SIN3A: variants seen among roughly 807,000 people sequenced by gnomAD.
The protein encoded by SIN3A is SIN3 transcription regulator family member A.
A neutral mutation model predicts 146.1 loss-of-function variants in SIN3A; 14 were observed. That is an observed-to-expected ratio of 0.10 (90% CI 0.06 to 0.15). The LOEUF (loss-of-function observed/expected upper bound fraction) is 0.15, where lower values mean the gene tolerates loss of function less well. Among genes scored for constraint, SIN3A ranks in the 10% least tolerant of loss-of-function variants. The pLI is 1.00. For synonymous variants in SIN3A, 572 were observed against 572.0 expected (o/e 1.00, Z 0.00); for missense variants, 1,028 against 1,576.0 (o/e 0.65, Z 5.89).
At chr15:75,393,887 A>T (rs2073254916) in intron 14 of SIN3A, among the ~76,000 whole-genome samples, 1 of 152,122 alleles carries the variant, frequency 6.6e-6, no homozygotes, top group Non-Finnish European at 1.5e-5. Flanking sequence ...AGCTCACTGC[A>T]TCCTCCACCT....
chr15:75,371,646 G>A lies in SIN3A; in HGVS notation c.*333C>T. The A allele has an allele frequency of 3.7e-6, 1 of 267,298 alleles. No individual in the cohort carries two copies. The highest frequency in any genetic ancestry group is 7.1e-6 in the Non-Finnish European group (1 of 141,764). 16.6% of individuals were successfully genotyped at this position (267,298 alleles called of 1,614,324 possible). ...ACAGCATCCGGTTCCCTCATTGAAA[G>A]TTAGGCCACAGGAGACTCCAGTCTT... On this transcript the variant is annotated 3_prime_UTR_variant, in exon 21 of 21. Coordinates refer to ENST00000394947, the MANE Select transcript of SIN3A (RefSeq NM_001145358.2).
At chr15:75,389,608 AG>A in intron 16 of SIN3A, 43 bp downstream of exon 16, 1 of 1,598,004 alleles carries the variant, frequency 6.3e-7, no homozygotes, top group South Asian at 1.1e-5. Flanking sequence ...TCTCTAGGTA[AG>A]GATTTCTTCC....
chr15:75,392,283 T>C lies in SIN3A; in HGVS notation c.2810A>G (p.Lys937Arg). 3 of 1,614,212 alleles carry C rather than the reference T, an allele frequency of 1.9e-6. No individual in the cohort carries two copies. Among genetic ancestry groups the C allele is most frequent in the Non-Finnish European group, 1.7e-6 (2 of 1,180,022 alleles). Reference sequence around the variant, plus strand: ...TAGCTGAATGGCAGGGCTGTCACTCTTGTCTCGCTTTATGCCCAGCACTTC... The same window carrying C: ...TAGCTGAATGGCAGGGCTGTCACTCCTGTCTCGCTTTATGCCCAGCACTTC... ...EREVLGIKRD[K>R]SDSPAIQLRL... The change falls in exon 15 of 21, where the codon AAG (lysine) becomes AGG (arginine). Residue 937 changes from lysine (K) to arginine (R), a missense_variant. This residue lies in a region of SIN3A where 488 missense variants were observed against 690.2 expected (regional missense o/e 0.71). Coordinates refer to ENST00000394947, the MANE Select transcript of SIN3A (RefSeq NM_001145358.2).
intron 1 of SIN3A, among the ~76,000 whole-genome samples, chr15:75,438,742 A>G (rs958528331): frequency 6.6e-6 from 1 of 152,162 alleles, no homozygotes; most frequent in Non-Finnish European, 1.5e-5. Context: ...CTCTTAGAAC[A>G]AAAAATAAAA....
At chr15:75,451,060 C>T (rs1214741342) in intron 1 of SIN3A, among the ~76,000 whole-genome samples, 2 of 151,154 alleles carry the variant, frequency 1.3e-5, no homozygotes, top group African/African-American at 2.4e-5. Context: ...GCGCGGCCGC[C>T]AGCCCGAGGC....
chr15:75,387,177 TGA>T (rs1041302933), intron 16 of SIN3A, among the ~76,000 whole-genome samples: 3 of 152,158 alleles, frequency 2.0e-5, no homozygotes, highest in East Asian at 1.9e-4. Flanking sequence ...ATGAGGAGAA[TGA>T]GAGAAGAGAT....
intron 10 of SIN3A, among the ~76,000 whole-genome samples, chr15:75,401,350 A>T (rs976715285): frequency 2.6e-5 from 4 of 152,128 alleles, no homozygotes; most frequent in Non-Finnish European, 5.9e-5. Flanking sequence ...CAACATGGTA[A>T]AACACCGTCT....
chr15:75,414,909 G>A (rs1050690710), intron 3 of SIN3A, among the ~76,000 whole-genome samples: 4 of 152,144 alleles, frequency 2.6e-5, no homozygotes, highest in Non-Finnish European at 5.9e-5. Flanking sequence ...GATACGATAT[G>A]GGATATTTAG....
intron 9 of SIN3A, among the ~76,000 whole-genome samples, chr15:75,405,292 G>C (rs988799861): frequency 6.6e-6 from 1 of 151,420 alleles, no homozygotes; most frequent in African/African-American, 2.4e-5. Flanking sequence ...CTTGAACCCA[G>C]GAGATGGAGG....
chr15:75,435,781 C>A (rs1595924141), intron 1 of SIN3A, among the ~76,000 whole-genome samples: 1 of 150,660 alleles, frequency 6.6e-6, no homozygotes, highest in African/African-American at 2.4e-5. Context: ...TATACACATA[C>A]AAAATGTACT....
At chr15:75,442,462 T>C (rs1348188569) in intron 1 of SIN3A, among the ~76,000 whole-genome samples, 1 of 151,358 alleles carries the variant, frequency 6.6e-6, no homozygotes. Flanking sequence ...CATATGCCAC[T>C]GCACCCAGCC....
At position 75,392,282 on chromosome 15, in the gene SIN3A, C is replaced by T; in HGVS notation, c.2811G>A (p.Lys937=). The change falls in exon 15 of 21, where the codon AAG becomes AAA. Residue 937 remains lysine, a synonymous_variant. Transcript: ENST00000394947. ...GTAGCTGAATGGCAGGGCTGTCACT[C>T]TTGTCTCGCTTTATGCCCAGCACTT... ...EREVLGIKRD[K]SDSPAIQLRL... 1.2e-6 allele frequency: 2 copies of T among 1,614,180 alleles called. No individual in the cohort carries two copies. Among genetic ancestry groups the T allele is most frequent in the Non-Finnish European group, 1.7e-6 (2 of 1,180,012 alleles).
chr15:75,433,437 AT>A (rs1363391694), intron 1 of SIN3A, among the ~76,000 whole-genome samples: 1 of 152,190 alleles, frequency 6.6e-6, no homozygotes, highest in Non-Finnish European at 1.5e-5. Context: ...CGTTTCTTTT[AT>A]TAAGTGATTG....
rs1412747497 is a variant in SIN3A at position 75,392,807 on chromosome 15, C to T, written c.2286G>A (p.Glu762=). 1 of 1,606,696 alleles carries T rather than the reference C, an allele frequency of 6.2e-7. No homozygotes were observed. Among genetic ancestry groups the T allele is most frequent in the South Asian group, 1.1e-5 (1 of 90,458 alleles). Reference sequence around the variant, plus strand: ...CACCAGCATTCTCCTCCGTAGCCTGCTCTTGCCTCTGATGGGACAGAGACA... The same window carrying T: ...CACCAGCATTCTCCTCCGTAGCCTGTTCTTGCCTCTGATGGGACAGAGACA... The part of the protein sequence containing the change: ...EIESIYDERQ[E]QATEENAGVP... Residue 762 remains glutamate, a synonymous_variant, in exon 15 of 21, where the codon GAG becomes GAA. Transcript: ENST00000394947.
At chr15:75,412,005 T>C (rs1401911709) in intron 5 of SIN3A, among the ~76,000 whole-genome samples, 1 of 152,210 alleles carries the variant, frequency 6.6e-6, no homozygotes, top group East Asian at 1.9e-4. Flanking sequence ...GGAAGAATTT[T>C]TCATATGCAA....
At chr15:75,426,316 G>C (rs1277105378) in intron 2 of SIN3A, among the ~76,000 whole-genome samples, 3 of 152,194 alleles carry the variant, frequency 2.0e-5, no homozygotes, top group African/African-American at 7.2e-5. Context: ...CTGAGGAAGA[G>C]TGACACCTAA....
At chr15:75,428,088 A>G (rs2073957613) in intron 2 of SIN3A, among the ~76,000 whole-genome samples, 1 of 152,238 alleles carries the variant, frequency 6.6e-6, no homozygotes, top group Admixed American at 6.5e-5. Flanking sequence ...CTTCTACAAA[A>G]CAGAGTAACA....
At chr15:75,447,458 T>C (rs1444632951) in intron 1 of SIN3A, among the ~76,000 whole-genome samples, 1 of 152,190 alleles carries the variant, frequency 6.6e-6, no homozygotes, top group Non-Finnish European at 1.5e-5. Context: ...TAGTCTATGG[T>C]AGAGGGAGAG....
At chr15:75,447,002 C>T (rs541110535) in intron 1 of SIN3A, among the ~76,000 whole-genome samples, 2 of 151,944 alleles carry the variant, frequency 1.3e-5, no homozygotes, top group South Asian at 2.1e-4. Context: ...CTCCTGACCT[C>T]GTGATCCGCC....
Sources: allele counts gnomAD v4.1 joint callset (sites outside exome capture counted in the v4.1 genomes callset), GRCh38; gene constraint gnomAD v4.1.1; regional missense constraint gnomAD v4.1.1; transcripts MANE v1.5; gene names NCBI Gene and HGNC (gene_info 2026-07-23, HGNC 2026-07-21).